The following CATSPERB variants were observed in gnomAD, a reference collection of about 807,000 sequenced individuals.
CATSPERB encodes the protein cation channel sperm-associated auxiliary subunit beta.
CATSPERB carries 93 observed loss-of-function variants against 128.3 expected under a neutral mutation model. That is an observed-to-expected ratio of 0.72 (90% CI 0.61 to 0.86). The LOEUF (loss-of-function observed/expected upper bound fraction) is 0.86, where lower values mean the gene tolerates loss of function less well. Among genes scored for constraint, CATSPERB ranks in the 40% least tolerant of loss-of-function variants. The probability of loss-of-function intolerance (pLI) is 0.00; values close to 1 mark genes in which losing one functional copy is unlikely to be tolerated. For synonymous variants in CATSPERB, 381 were observed against 448.8 expected (o/e 0.85, Z 1.91); for missense variants, 1,153 against 1,329.5 (o/e 0.87, Z 2.06).
At chr14:91,637,169 T>C (rs550683829) in intron 16 of CATSPERB, among the ~76,000 whole-genome samples, 7 of 152,172 alleles carry the variant, frequency 4.6e-5, no homozygotes, top group South Asian at 2.1e-4. Flanking sequence ...GGGGAACTTT[T>C]AGGGGAGAGA....
chr14:91,684,968 C>A (rs1895348589), intron 10 of CATSPERB, among the ~76,000 whole-genome samples: 1 of 151,940 alleles, frequency 6.6e-6, no homozygotes, highest in Admixed American at 6.6e-5. Context: ...GCTCTGTCAC[C>A]CAGGCTAGAG....
At chr14:91,607,719 T>G (rs1893738053) in intron 22 of CATSPERB, among the ~76,000 whole-genome samples, 2 of 152,188 alleles carry the variant, frequency 1.3e-5, no homozygotes, top group African/African-American at 4.8e-5. Context: ...TGAATATGAC[T>G]GTCTGTGCAT....
intron 9 of CATSPERB, 131 bp from the exon 10 acceptor site, chr14:91,691,686 G>GT (rs1406036972): frequency 2.4e-5 from 15 of 617,620 alleles, no homozygotes; most frequent in Non-Finnish European, 3.8e-5. Flanking sequence ...TAAATTATAT[G>GT]TTTTTTCTAT....
intron 15 of CATSPERB, among the ~76,000 whole-genome samples, chr14:91,658,846 A>T (rs1894830406): frequency 1.3e-5 from 2 of 150,554 alleles, no homozygotes; most frequent in Admixed American, 6.7e-5. Context: ...AATAAATTAA[A>T]TTCAACAAAA....
intron 19 of CATSPERB, 152 bp from the exon 20 acceptor site, chr14:91,617,888 C>A: frequency 3.4e-6 from 2 of 584,522 alleles, no homozygotes; most frequent in Non-Finnish European, 5.8e-6. Context: ...TATATAGAGT[C>A]AACTTTAATA....
chr14:91,668,305 C>G, intron 14 of CATSPERB, among the ~76,000 whole-genome samples: 1 of 149,460 alleles, frequency 6.7e-6, no homozygotes, highest in Non-Finnish European at 1.5e-5. Flanking sequence ...GTAAACGCAC[C>G]AATCAGAACT....
chr14:91,694,638 T>C (rs542726514), intron 7 of CATSPERB, among the ~76,000 whole-genome samples: 1 of 152,204 alleles, frequency 6.6e-6, no homozygotes, highest in South Asian at 2.1e-4. Context: ...AAAATTAAAA[T>C]GTAAACTCCA....
rs778860336 is a variant in CATSPERB, at chr14:91,588,007, T to A, written c.3028A>T (p.Asn1010Tyr). ...VEPILGAAVY[N>Y]PSGLNLSIKG... ...ATGCTTAAGTTGAGACCTGAAGGAT[T>A]ATACACTGCAGCACCAAGAATTGGT... The change falls in exon 25 of 27, where the codon AAT becomes TAT. Residue 1010 changes from asparagine to tyrosine, a missense_variant. Coordinates refer to ENST00000256343, the MANE Select transcript of CATSPERB (RefSeq NM_024764.4). The A allele has an allele frequency of 6.2e-7, 1 of 1,611,574 alleles. No homozygotes were observed. Among genetic ancestry groups the A allele is most frequent in the African/African-American group, 1.3e-5 (1 of 74,878 alleles).
At chr14:91,711,561 C>A (rs1436315441) in intron 5 of CATSPERB, among the ~76,000 whole-genome samples, 1 of 152,144 alleles carries the variant, frequency 6.6e-6, no homozygotes, top group Non-Finnish European at 1.5e-5. Flanking sequence ...CACTTCCATT[C>A]TGCTGATGAA....
chr14:91,617,710 G>A lies in CATSPERB; in HGVS notation c.2287C>T (p.Leu763=). The A allele has an allele frequency of 6.2e-7, 1 of 1,600,106 alleles. No individual in the cohort carries two copies. Among genetic ancestry groups the A allele is most frequent in the Non-Finnish European group, 8.5e-7 (1 of 1,175,420 alleles). ...TTAGGGTTTCCAACAAACACAGTCAGTAGTGGTATTTCAAGCATTCGAAAA... is the reference window on the plus strand; with the variant it reads ...TTAGGGTTTCCAACAAACACAGTCAATAGTGGTATTTCAAGCATTCGAAAA... ...KGFRMLEIPL[L]TVFVGNPNLL... The change falls in exon 20 of 27, where the codon CTG becomes TTG. Residue 763 remains leucine, a synonymous_variant. Coordinates refer to ENST00000256343, the MANE Select transcript of CATSPERB (RefSeq NM_024764.4).
chr14:91,669,075 C>G (rs1179536211), intron 14 of CATSPERB, among the ~76,000 whole-genome samples: 1 of 152,108 alleles, frequency 6.6e-6, no homozygotes, highest in Non-Finnish European at 1.5e-5. Flanking sequence ...TTCTTTATAG[C>G]AGTGTGAGAA....
chr14:91,684,044 A>T (rs1895332307), intron 10 of CATSPERB, 101 bp from the exon 11 acceptor site: 1 of 712,224 alleles, frequency 1.4e-6, no homozygotes, highest in African/African-American at 1.8e-5. Context: ...TTGATAGTTC[A>T]GGAATGTGAG....
intron 11 of CATSPERB, among the ~76,000 whole-genome samples, chr14:91,677,435 A>G (rs1282216444): frequency 2.0e-5 from 3 of 152,252 alleles, no homozygotes; most frequent in Admixed American, 6.5e-5. Context: ...ACATTTATGC[A>G]GCCAAGAAAC....
At chr14:91,647,262 T>C (rs1306247542) in intron 15 of CATSPERB, among the ~76,000 whole-genome samples, 1 of 152,214 alleles carries the variant, frequency 6.6e-6, no homozygotes, top group Admixed American at 6.5e-5. Context: ...GATTTACCTC[T>C]GATTAATCTT....
intron 5 of CATSPERB, chr14:91,710,202 A>G (rs1895815210): frequency 6.6e-6 from 1 of 152,386 alleles, no homozygotes; most frequent in South Asian, 2.1e-4. Context: ...AAGACAGAAA[A>G]TAGAGATACT....
At position 91,603,055 on chromosome 14, in the gene CATSPERB, C is replaced by T; in HGVS notation, c.2709+5239G>A. 3.1e-5 allele frequency: 24 copies of T among 783,424 alleles called. No individual in the cohort carries two copies. The South Asian group carries it at 3.1e-4, about 10-fold the overall frequency. The allele number at this position is 783,424 out of a possible 1,614,324, so 48.5% of individuals were successfully genotyped here. A position where few individuals can be genotyped will look rare whatever the true frequency, so the allele number is the denominator to read the frequency against. The stretch of plus-strand genomic sequence containing the variant: ...ATGTGCCTTTGCCTGTGTCTTTTGC[C>T]TTTTTGGGTTTTGGGCCTGCTTTTT... On this transcript the variant is annotated intron_variant, in intron 22 of 26. Coordinates refer to ENST00000256343, the MANE Select transcript of CATSPERB (RefSeq NM_024764.4).
intron 9 of CATSPERB, 132 bp from the exon 10 acceptor site, chr14:91,691,687 T>C: frequency 1.6e-6 from 1 of 612,752 alleles, no homozygotes; most frequent in Non-Finnish European, 2.7e-6. Flanking sequence ...AAATTATATG[T>C]TTTTTCTATC....
At chr14:91,649,331 ATGTGTGTG>A (rs55880138) in intron 15 of CATSPERB, among the ~76,000 whole-genome samples, 2,435 of 147,444 alleles carry the variant, frequency 0.017, 31 homozygotes, top group Middle Eastern at 0.046. Context: ...GTATACATAT[ATGTGTGTG>A]TGTGTGTGTG....
intron 14 of CATSPERB, among the ~76,000 whole-genome samples, chr14:91,663,754 T>G (rs1430270252): frequency 6.6e-6 from 1 of 152,212 alleles, no homozygotes; most frequent in Non-Finnish European, 1.5e-5. Context: ...TAACTATTGG[T>G]TATTTTATAA....
Sources: allele counts gnomAD v4.1 joint callset (sites outside exome capture counted in the v4.1 genomes callset), GRCh38; gene constraint gnomAD v4.1.1; transcripts MANE v1.5; gene names NCBI Gene and HGNC (gene_info 2026-07-23, HGNC 2026-07-21).